NHSL2: variants seen among roughly 807,000 people sequenced by gnomAD.
NHSL2 encodes NHS-like protein 2.
In NHSL2, 27 loss-of-function variants were observed where a neutral mutation model predicts 53.4. The observed-to-expected ratio is 0.51, with a 90% CI of 0.37 to 0.70. The LOEUF (loss-of-function observed/expected upper bound fraction) is 0.70, where lower values mean the gene tolerates loss of function less well. Among genes scored for constraint, NHSL2 ranks in the 30% least tolerant of loss-of-function variants. NHSL2 has a pLI of 0.00. For synonymous variants in NHSL2, 408 were observed against 404.1 expected (o/e 1.01, Z -0.12); for missense variants, 892 against 980.1 (o/e 0.91, Z 1.20).
At chrX:72,094,621 C>A (rs1021004845) in intron 1 of NHSL2, among the ~76,000 whole-genome samples, 1 of 111,147 alleles carries the variant, frequency 9.0e-6, no homozygotes, top group Non-Finnish European at 1.9e-5. Context: ...TGGATAACCT[C>A]CATGGGAAGA....
intron 1 of NHSL2, among the ~76,000 whole-genome samples, chrX:72,084,417 A>G (rs904435994): frequency 4.5e-5 from 5 of 112,258 alleles, no homozygotes; most frequent in East Asian, 5.6e-4. Context: ...TAAGGGAAAG[A>G]TGCAGGACTG....
chrX:71,939,230 A>T (rs2041754353), intron 1 of NHSL2, among the ~76,000 whole-genome samples: 3 of 111,697 alleles, frequency 2.7e-5, no homozygotes, highest in Admixed American at 9.5e-5. Context: ...GAGCCTAGAG[A>T]GGCAGGCAGG....
intron 1 of NHSL2, among the ~76,000 whole-genome samples, chrX:72,119,892 C>T (rs906523666): frequency 1.8e-5 from 2 of 112,121 alleles, no homozygotes; most frequent in African/African-American, 3.2e-5. Flanking sequence ...TTTTTATAGA[C>T]GCCCTTTGTC....
intron 1 of NHSL2, among the ~76,000 whole-genome samples, chrX:71,949,543 G>A (rs763356316): frequency 2.7e-5 from 3 of 111,508 alleles, no homozygotes; most frequent in Non-Finnish European, 5.7e-5. Context: ...TCCCAGACCC[G>A]CCTGGCTCAC....
At chrX:71,969,415 C>T (rs970531921) in intron 1 of NHSL2, among the ~76,000 whole-genome samples, 4 of 106,803 alleles carry the variant, frequency 3.7e-5, no homozygotes, top group African/African-American at 6.9e-5. Flanking sequence ...TGGGTTCAAG[C>T]GATTCTCCTG....
intron 1 of NHSL2, among the ~76,000 whole-genome samples, chrX:71,915,775 C>G (rs2041625303): frequency 9.0e-6 from 1 of 111,343 alleles, no homozygotes; most frequent in Admixed American, 9.5e-5. Context: ...GTGCTCTGCC[C>G]TCTGCAGTGA....
intron 4 of NHSL2, 33 bp from the exon 5 acceptor site, chrX:72,137,061 G>A: frequency 8.7e-7 from 1 of 1,152,430 alleles, no homozygotes; most frequent in Non-Finnish European, 1.2e-6. Flanking sequence ...ACAGAAACCA[G>A]GATGCACCCA....
At chrX:72,084,725 G>A (rs986580682) in intron 1 of NHSL2, among the ~76,000 whole-genome samples, 1 of 112,272 alleles carries the variant, frequency 8.9e-6, no homozygotes, top group Non-Finnish European at 1.9e-5. Context: ...TCCACCACAC[G>A]GGTCTGGTCA....
intron 1 of NHSL2, among the ~76,000 whole-genome samples, chrX:71,947,905 G>A (rs950732140): frequency 3.6e-5 from 4 of 111,444 alleles, no homozygotes; most frequent in Non-Finnish European, 7.5e-5. Context: ...AAGGGTGGGA[G>A]GTGGGTGAGG....
chrX:72,114,404 GCGCCTCTCACACTGCAAAGGGCCCTTC>G (rs958076900), intron 1 of NHSL2, among the ~76,000 whole-genome samples: 3 of 111,737 alleles, frequency 2.7e-5, no homozygotes, highest in African/African-American at 9.8e-5. Context: ...ATATGTCAAT[GCGCCTCTCACACTGCAAAGGGCCCTTC>G]CTGCCAGAGG....
At chrX:71,939,599 G>A (rs1031380989) in intron 1 of NHSL2, among the ~76,000 whole-genome samples, 1 of 111,826 alleles carries the variant, frequency 8.9e-6, no homozygotes, top group Non-Finnish European at 1.9e-5. Context: ...GTGGTTAAGC[G>A]TAGTGGCTCT....
intron 1 of NHSL2, among the ~76,000 whole-genome samples, chrX:71,978,619 A>G (rs777216932): frequency 9.0e-6 from 1 of 110,989 alleles, no homozygotes; most frequent in South Asian, 3.8e-4. Context: ...TATTCAGGCT[A>G]CTGCTTATAT....
At chrX:72,065,586 G>A (rs908705299) in intron 1 of NHSL2, among the ~76,000 whole-genome samples, 2 of 111,552 alleles carry the variant, frequency 1.8e-5, no homozygotes, top group African/African-American at 3.3e-5. Flanking sequence ...GGTGAGAGGG[G>A]ATGGGAAGCA....
intron 1 of NHSL2, among the ~76,000 whole-genome samples, chrX:71,949,499 G>A (rs1297252218): frequency 8.9e-6 from 1 of 111,917 alleles, no homozygotes; most frequent in Non-Finnish European, 1.9e-5. Context: ...GAGCTTCCCT[G>A]TGGAGTGTTA....
At chrX:71,995,292 C>G (rs943514301) in intron 1 of NHSL2, among the ~76,000 whole-genome samples, 1 of 112,250 alleles carries the variant, frequency 8.9e-6, no homozygotes, top group Non-Finnish European at 1.9e-5. Flanking sequence ...CCTCTATGCT[C>G]TACTCTCAGC....
At chrX:71,931,598 T>G (rs1441295640) in intron 1 of NHSL2, among the ~76,000 whole-genome samples, 4 of 112,444 alleles carry the variant, frequency 3.6e-5, no homozygotes, top group African/African-American at 1.3e-4. Flanking sequence ...TCCACTTGTT[T>G]TAGCGCCTTT....
chrX:71,934,805 A>T (rs1279762905), intron 1 of NHSL2, among the ~76,000 whole-genome samples: 1 of 111,520 alleles, frequency 9.0e-6, no homozygotes, highest in African/African-American at 3.3e-5. Context: ...GAGTAAGGAG[A>T]ATAAAAGAGT....
At chrX:72,029,070 C>T (rs966630734) in intron 1 of NHSL2, among the ~76,000 whole-genome samples, 2 of 111,257 alleles carry the variant, frequency 1.8e-5, no homozygotes, top group Admixed American at 1.9e-4. Flanking sequence ...TTAGGCATGG[C>T]ATAGACAAGC....
chrX:71,988,157 T>A, intron 1 of NHSL2, among the ~76,000 whole-genome samples: 1 of 111,948 alleles, frequency 8.9e-6, no homozygotes, highest in African/African-American at 3.2e-5. Context: ...GAAGGCGAGT[T>A]GCTCACGGAG....
Sources: gnomAD v4.1 joint callset for allele counts (sites outside exome capture counted in the v4.1 genomes callset) on GRCh38, gnomAD v4.1.1 for gene constraint, MANE v1.5 for transcripts, NCBI Gene and HGNC (gene_info 2026-07-23, HGNC 2026-07-21) for gene names.